The following LINGO2 variants were observed in gnomAD, a reference collection of about 807,000 sequenced individuals.
LINGO2 encodes the protein leucine-rich repeat and immunoglobulin-like domain-containing nogo receptor-interacting protein 2.
In LINGO2, 14 loss-of-function variants were observed where a neutral mutation model predicts 30.6. That is an observed-to-expected ratio of 0.46 (90% confidence interval 0.30 to 0.72). The LOEUF is 0.72. Ranked by LOEUF, LINGO2 falls within the 30% of genes least tolerant of loss-of-function variation. LINGO2 has a pLI of 0.07. For missense variants in LINGO2, 729 were observed against 751.7 expected, an observed-to-expected ratio of 0.97 and a Z score of 0.35; for synonymous variants, 317 against 288.5, an observed-to-expected ratio of 1.10 and a Z score of -1.00.
At chr9:28,418,275 CTTTTTTTT>C (rs3064826) in intron 2 of LINGO2, among the ~76,000 whole-genome samples, 1 of 106,760 alleles carries the variant, frequency 9.4e-6, no homozygotes, top group South Asian at 3.1e-4. Context: ...AGGCCATGTA[CTTTTTTTT>C]TTTTTTTTTT....
At chr9:28,809,330 A>G in the LINGO2 span, among the ~76,000 whole-genome samples, 1 of 152,228 alleles carries the variant, frequency 6.6e-6, no homozygotes, top group African/African-American at 2.4e-5. Context: ...TCTACAAATC[A>G]TGTCTCTTGC....
At chr9:28,398,104 G>T (rs757281915) in intron 2 of LINGO2, among the ~76,000 whole-genome samples, 3 of 152,132 alleles carry the variant, frequency 2.0e-5, no homozygotes, top group African/African-American at 7.2e-5. Flanking sequence ...AGACAGAAAA[G>T]ATCAGTCAGT....
the LINGO2 span, among the ~76,000 whole-genome samples, chr9:28,772,243 TA>T: frequency 6.6e-6 from 1 of 152,216 alleles, no homozygotes; most frequent in Non-Finnish European, 1.5e-5. Flanking sequence ...AGTAATTGAT[TA>T]AATCCAGTTT....
At chr9:28,351,498 G>A (rs1819889076) in intron 3 of LINGO2, among the ~76,000 whole-genome samples, 1 of 150,966 alleles carries the variant, frequency 6.6e-6, no homozygotes, top group African/African-American at 2.5e-5. Context: ...TGAAATTGTG[G>A]CAATAATCAA....
intron 1 of LINGO2, among the ~76,000 whole-genome samples, chr9:28,571,916 T>C (rs1270079187): frequency 6.6e-6 from 1 of 152,082 alleles, no homozygotes; most frequent in African/African-American, 2.4e-5. Context: ...AACTTTGTTT[T>C]ATTTTTAACT....
At chr9:28,867,582 A>AT in the LINGO2 span, among the ~76,000 whole-genome samples, 31 of 152,062 alleles carry the variant, frequency 2.0e-4, no homozygotes, top group Non-Finnish European at 3.5e-4. Context: ...AATTTTAACT[A>AT]TTTTTTAAAA....
intron 1 of LINGO2, among the ~76,000 whole-genome samples, chr9:28,550,527 T>C (rs1822218992): frequency 6.6e-6 from 1 of 151,900 alleles, no homozygotes; most frequent in African/African-American, 2.4e-5. Context: ...TATTTTATTA[T>C]ATCTTTCAAA....
the LINGO2 span, among the ~76,000 whole-genome samples, chr9:29,108,220 A>T: frequency 6.6e-6 from 1 of 152,186 alleles, no homozygotes; most frequent in African/African-American, 2.4e-5. Context: ...TGCCAACATA[A>T]TCTTGACATA....
At chr9:28,414,380 A>G (rs774487445) in intron 2 of LINGO2, among the ~76,000 whole-genome samples, 1 of 152,116 alleles carries the variant, frequency 6.6e-6, no homozygotes, top group Admixed American at 6.6e-5. Context: ...ATTTTGTTAA[A>G]TACACATAAA....
chr9:29,207,645 A>C, the LINGO2 span, among the ~76,000 whole-genome samples: 13 of 152,042 alleles, frequency 8.6e-5, no homozygotes, highest in Admixed American at 2.0e-4. Flanking sequence ...TTTGTTTTCT[A>C]GTCTAGGTTC....
At chr9:28,509,380 T>G (rs1033265657) in intron 1 of LINGO2, among the ~76,000 whole-genome samples, 1 of 152,232 alleles carries the variant, frequency 6.6e-6, no homozygotes, top group Non-Finnish European at 1.5e-5. Context: ...GCCTTCTGCT[T>G]TTTGATTGAA....
intron 2 of LINGO2, among the ~76,000 whole-genome samples, chr9:28,471,604 A>G (rs944387606): frequency 2.6e-5 from 4 of 152,200 alleles, no homozygotes; most frequent in African/African-American, 9.7e-5. Context: ...AATTAAAACC[A>G]CAATGGGATA....
intron 4 of LINGO2, among the ~76,000 whole-genome samples, chr9:28,273,914 T>A (rs1391372744): frequency 1.3e-5 from 2 of 151,990 alleles, no homozygotes; most frequent in African/African-American, 4.8e-5. Context: ...ACAGCAATAT[T>A]CCCCTGCCTA....
intron 5 of LINGO2, among the ~76,000 whole-genome samples, chr9:27,957,550 C>T (rs986841432): frequency 2.6e-5 from 4 of 152,100 alleles, no homozygotes; most frequent in Non-Finnish European, 5.9e-5. Context: ...CCTTGGCCTC[C>T]CCAAAGTGCT....
intron 5 of LINGO2, among the ~76,000 whole-genome samples, chr9:27,954,568 C>T (rs943002269): frequency 1.3e-5 from 2 of 152,100 alleles, no homozygotes; most frequent in Non-Finnish European, 2.9e-5. Context: ...TATACATGTA[C>T]CACATTTTCT....
At chr9:28,034,280 G>C (rs1021893045) in intron 4 of LINGO2, among the ~76,000 whole-genome samples, 1 of 152,206 alleles carries the variant, frequency 6.6e-6, no homozygotes, top group African/African-American at 2.4e-5. Flanking sequence ...GTGAAGGGCA[G>C]AAGAAAGCCG....
chr9:29,099,620 G>A, the LINGO2 span, among the ~76,000 whole-genome samples: 1 of 152,106 alleles, frequency 6.6e-6, no homozygotes, highest in African/African-American at 2.4e-5. Flanking sequence ...GCAGCAAACA[G>A]GTATATGAAA....
intron 5 of LINGO2, among the ~76,000 whole-genome samples, chr9:28,004,441 T>C (rs1450360289): frequency 6.6e-6 from 1 of 152,220 alleles, no homozygotes; most frequent in Middle Eastern, 3.2e-3. Context: ...TGCATTGATC[T>C]TAGTTTCAAA....
the LINGO2 span, among the ~76,000 whole-genome samples, chr9:28,890,431 G>C: frequency 6.6e-6 from 1 of 151,982 alleles, no homozygotes; most frequent in African/African-American, 2.4e-5. Flanking sequence ...TGATCAAAGG[G>C]GCCTGCCTGG....
Sources: allele counts gnomAD v4.1 joint callset (sites outside exome capture counted in the v4.1 genomes callset), GRCh38; gene constraint gnomAD v4.1.1; transcripts MANE v1.5; gene names NCBI Gene and HGNC (gene_info 2026-07-23, HGNC 2026-07-21).